Variants in SPATA20 observed in about 807,000 individuals in gnomAD.
SPATA20 encodes spermatogenesis-associated protein 20.
A neutral mutation model predicts 98.9 loss-of-function variants in SPATA20; 74 were observed. That is an observed-to-expected ratio of 0.75 (90% confidence interval 0.62 to 0.91). The LOEUF (loss-of-function observed/expected upper bound fraction) is 0.91, where lower values mean the gene tolerates loss of function less well. Among genes scored for constraint, SPATA20 ranks in the 40% least tolerant of loss-of-function variants. The probability of loss-of-function intolerance (pLI) is 0.00; values close to 1 mark genes in which losing one functional copy is unlikely to be tolerated. For missense variants in SPATA20, 1,016 were observed against 1,069.8 expected (o/e 0.95, Z 0.70); for synonymous variants, 430 against 440.5 (o/e 0.98, Z 0.30).
At position 50,550,300 on chromosome 17, in the gene SPATA20, G is replaced by A. The variant is rs747519422; in HGVS notation, c.1086G>A (p.Ser362=). The A allele has an allele frequency of 1.8e-5, 29 of 1,586,476 alleles. No homozygotes were observed. In the African/African-American group the frequency reaches 1.9e-4, roughly 10 times the overall value. ...YDQAQLAVAY[S]QAFQLSGDEF... is the part of the protein sequence containing the mutation. ...AGGCACAGCTCGCTGTGGCCTATTC[G>A]CAGGCCTTCCAGGTGACCCCTGACC... Residue 362 remains serine, a synonymous_variant, in exon 9 of 17, where the codon TCG becomes TCA. Transcript: ENST00000006658.
chr17:50,550,695 C>T lies in SPATA20; in HGVS notation c.1174-13C>T, dbSNP rs1350999186. On this transcript the variant is annotated splice_polypyrimidine_tract_variant and intron_variant, in intron 10 of 16. Coordinates refer to ENST00000006658, the MANE Select transcript of SPATA20 (RefSeq NM_022827.4). Reference sequence around the variant, plus strand: ...CTGTGGGCCGGGGCCAGCCAACTCTCCCCTCCCCACAGTCCGGAGGCTTCT... The same window carrying T: ...CTGTGGGCCGGGGCCAGCCAACTCTTCCCTCCCCACAGTCCGGAGGCTTCT... 1 of 1,613,122 alleles carries T rather than the reference C, an allele frequency of 6.2e-7. No individual in the cohort carries two copies. Among genetic ancestry groups the T allele is most frequent in the Admixed American group, 1.7e-5 (1 of 60,012 alleles).
At chr17:50,548,681 G>C in intron 4 of SPATA20, 63 bp downstream of exon 4, 1 of 1,595,380 alleles carries the variant, frequency 6.3e-7, no homozygotes, top group Non-Finnish European at 8.5e-7. Context: ...ATGGGGGAGG[G>C]TCCTCTCGGC....
Position 50,555,635 on chromosome 17 carries a change from C to A in SPATA20, c.2382C>A (p.Cys794Ter). Residue 794 changes from cysteine (C) to a stop codon, truncating the protein, a stop_gained, in exon 17 of 17, where the codon TGC (cysteine) becomes TGA (stop). Coordinates refer to ENST00000006658, the MANE Select transcript of SPATA20 (RefSeq NM_022827.4). LOFTEE classifies it high-confidence loss of function. ...QACSVPITDPCELRKLLHP is the reference protein window; with the variant it reads ...QACSVPITDP ...GCTCAGTGCCCATCACTGATCCCTG[C>A]GAATTACGAAAACTACTACATCCAT... 1 of 1,613,956 alleles carries A rather than the reference C, an allele frequency of 6.2e-7. No homozygotes were observed. Among genetic ancestry groups the A allele is most frequent in the South Asian group, 1.1e-5 (1 of 91,070 alleles).
At position 50,550,232 on chromosome 17, in the gene SPATA20, C is replaced by A; in HGVS notation, c.1018C>A (p.Arg340Ser). Residue 340 changes from arginine to serine, a missense_variant, in exon 9 of 17, where the codon CGC (arginine) becomes AGC (serine). Coordinates refer to ENST00000006658, the MANE Select transcript of SPATA20 (RefSeq NM_022827.4). Reference sequence around the variant, plus strand: ...GGGCTTTCACCGCTACTCCACAGACCGCCAGTGGCACGTCCCTCACTTTGA... The same window carrying A: ...GGGCTTTCACCGCTACTCCACAGACAGCCAGTGGCACGTCCCTCACTTTGA... ...GQGFHRYSTDRQWHVPHFEKM... is the reference protein window; with the variant it reads ...GQGFHRYSTDSQWHVPHFEKM... 6.2e-7 allele frequency: 1 copy of A among 1,611,944 alleles called. No individual in the cohort carries two copies. Among genetic ancestry groups the A allele is most frequent in the South Asian group, 1.1e-5 (1 of 91,038 alleles).
chr17:50,554,922 TG>T, intron 15 of SPATA20, among the ~76,000 whole-genome samples: 2 of 109,988 alleles, frequency 1.8e-5, no homozygotes, highest in South Asian at 4.7e-4. Context: ...TGTGTGTGTG[TG>T]TGTGTGACTA....
rs1305212387 is a variant in SPATA20 at position 50,551,558 on chromosome 17, G to A, written c.1624G>A (p.Asp542Asn). 1 of 1,605,364 alleles carries A rather than the reference G, an allele frequency of 6.2e-7. No individual in the cohort carries two copies. Among genetic ancestry groups the A allele is most frequent in the South Asian group, 1.1e-5 (1 of 90,908 alleles). Residue 542 changes from aspartate (D) to asparagine (N), a missense_variant, in exon 13 of 17, where the codon GAC (aspartate) becomes AAC (asparagine). By Grantham distance (23) the Asp-to-Asn change is conservative. Transcript: ENST00000006658. ...TGTGACTGGGGCTGTCCTGGGCCAAGACAGGCTGATCAACTATGCCACCAA... is the reference window on the plus strand; with the variant it reads ...TGTGACTGGGGCTGTCCTGGGCCAAAACAGGCTGATCAACTATGCCACCAA... ...YAVTGAVLGQDRLINYATNGA... is the reference protein window; with the variant it reads ...YAVTGAVLGQNRLINYATNGA...
rs1163573063 is a variant in SPATA20, at chr17:50,549,990, C to T, written c.868C>T (p.Leu290=). Residue 290 remains leucine, a synonymous_variant, in exon 8 of 17, where the codon CTG becomes TTG. Transcript: ENST00000006658. ...TGTTCTTGGTGCCCCCACAGTGATCCTGAGCTTCCTGTTCTCCTACTGGCT... is the reference window on the plus strand; with the variant it reads ...TGTTCTTGGTGCCCCCACAGTGATCTTGAGCTTCCTGTTCTCCTACTGGCT... The part of the protein sequence containing the change: ...EAPKFPTPVI[L]SFLFSYWLSH... 6.5e-7 allele frequency: 1 copy of T among 1,546,162 alleles called. No individual in the cohort carries two copies. Among genetic ancestry groups the T allele is most frequent in the South Asian group, 1.2e-5 (1 of 81,584 alleles).
At chr17:50,550,975 CA>C (rs1310036159) in intron 11 of SPATA20, 22 bp from the exon 12 acceptor site, 1 of 1,612,336 alleles carries the variant, frequency 6.2e-7, no homozygotes, top group Non-Finnish European at 8.5e-7. Context: ...TGTGAGCTCG[CA>C]GACAAAGGCC....
At chr17:50,550,364 C>A in intron 9 of SPATA20, 52 bp downstream of exon 9, 1 of 1,455,496 alleles carries the variant, frequency 6.9e-7, no homozygotes, top group Non-Finnish European at 9.5e-7. Context: ...GGCTGCCCCT[C>A]CCAAGGCCTT....
rs761666503 is a variant in SPATA20 at position 50,550,705 on chromosome 17, C to A, written c.1174-3C>A. ...GGGCCAGCCAACTCTCCCCTCCCCA[C>A]AGTCCGGAGGCTTCTATAGCGCAGA... On this transcript the variant is annotated splice_polypyrimidine_tract_variant and splice_region_variant and intron_variant, in intron 10 of 16. Transcript: ENST00000006658. 1.1e-5 allele frequency: 17 copies of A among 1,613,168 alleles called. No homozygotes were observed. The highest frequency in any genetic ancestry group is 1.4e-5 in the Non-Finnish European group (16 of 1,179,818).
At chr17:50,548,048 G>A (rs777083226) in intron 2 of SPATA20, 150 of 1,483,440 alleles carry the variant, frequency 1.0e-4, no homozygotes, top group Non-Finnish European at 1.2e-4. Context: ...GCCAGGCCCA[G>A]GAGGTTGGGG....
chr17:50,548,927 G>A lies in SPATA20; in HGVS notation c.479G>A (p.Arg160Gln), dbSNP rs774703042. ...AGTGTGAAGGTAGACCGTGAGGAGC[G>A]GCCTGACGTGGACAAGGTGTACATG... ...FVSVKVDREE[R>Q]PDVDKVYMTF... is the part of the protein sequence containing the mutation. The change falls in exon 5 of 17, where the codon CGG (arginine) becomes CAG (glutamine). Residue 160 changes from arginine (R) to glutamine (Q), a missense_variant. Transcript: ENST00000006658. 1.9e-6 allele frequency: 3 copies of A among 1,614,106 alleles called. No homozygotes were observed. Among genetic ancestry groups the A allele is most frequent in the Non-Finnish European group, 1.7e-6 (2 of 1,180,002 alleles).
In SPATA20 at chr17:50,552,059, G is replaced by A; in HGVS notation, c.1836G>A (p.Trp612Ter). ...DLYEASQESAWLEWALRLQDT... is the reference protein window; with the variant it reads ...DLYEASQESA The stretch of plus-strand genomic sequence containing the variant: ...ATGAGGCCTCACAGGAGAGTGCGTG[G>A]CTCGAGTGGGCTCTGCGGCTGCAGG... Residue 612 changes from tryptophan to a stop codon, truncating the protein, a stop_gained, in exon 14 of 17, where the codon TGG becomes TGA. Coordinates refer to ENST00000006658, the MANE Select transcript of SPATA20 (RefSeq NM_022827.4). LOFTEE classifies it high-confidence loss of function. The A allele has an allele frequency of 6.2e-7, 1 of 1,613,890 alleles. No homozygotes were observed. Among genetic ancestry groups the A allele is most frequent in the African/African-American group, 1.3e-5 (1 of 75,076 alleles).
chr17:50,550,522 C>T lies in SPATA20; in HGVS notation c.1099-14C>T. On this transcript the variant is annotated splice_polypyrimidine_tract_variant and intron_variant, in intron 9 of 16. Transcript: ENST00000006658. Reference sequence around the variant, plus strand: ...GACCTCTCTGTTCACAGTCTCCTTTCTTCCCTTTCTTAGCTCTCTGGTGAT... The same window carrying T: ...GACCTCTCTGTTCACAGTCTCCTTTTTTCCCTTTCTTAGCTCTCTGGTGAT... 4 of 1,613,210 alleles carry T rather than the reference C, an allele frequency of 2.5e-6. No individual in the cohort carries two copies. The highest frequency in any genetic ancestry group is 3.4e-6 in the Non-Finnish European group (4 of 1,179,172).
chr17:50,551,310 CAA>C lies in SPATA20; in HGVS notation c.1576+123_1576+124del, dbSNP rs567863869. ...GATTAGCGTTATTATTCTCAGTTGACAAAAGAGGCTTAAGGAGCTTGAGTAAC... is the reference window on the plus strand; with the variant it reads ...GATTAGCGTTATTATTCTCAGTTGACAAGAGGCTTAAGGAGCTTGAGTAAC... On this transcript the variant is annotated intron_variant, in intron 12 of 16. Coordinates refer to ENST00000006658, the MANE Select transcript of SPATA20 (RefSeq NM_022827.4). 939 of 1,216,766 alleles carry C rather than the reference CAA, an allele frequency of 7.7e-4. 6 individuals carry two copies. In the African/African-American group the frequency reaches 0.013, roughly 17 times the overall value. 75.4% of individuals were successfully genotyped at this position (1,216,766 alleles called of 1,614,324 possible).
At chr17:50,554,719 A>ACTT (rs2035073220) in intron 15 of SPATA20, among the ~76,000 whole-genome samples, 1 of 151,414 alleles carries the variant, frequency 6.6e-6, no homozygotes, top group East Asian at 1.9e-4. Context: ...GGTGTGTGTG[A>ACTT]CCCTGGAGGT....
At chr17:50,551,772 C>T in intron 13 of SPATA20, 93 bp downstream of exon 13, 8 of 1,406,892 alleles carry the variant, frequency 5.7e-6, no homozygotes, top group East Asian at 4.9e-5. Flanking sequence ...GACTCCAGTC[C>T]TGGCTCTGCC....
rs774081843 is a variant in SPATA20, at chr17:50,555,211, T to A, written c.2158-21T>A. On this transcript the variant is annotated intron_variant, in intron 15 of 16. Coordinates refer to ENST00000006658, the MANE Select transcript of SPATA20 (RefSeq NM_022827.4). Reference sequence around the variant, plus strand: ...CCCTCCCTCCCCTGACACACCGGAGTGACCTTTCTATTCCGGTCAGATCGT... The same window carrying A: ...CCCTCCCTCCCCTGACACACCGGAGAGACCTTTCTATTCCGGTCAGATCGT... 7.4e-6 allele frequency: 12 copies of A among 1,611,310 alleles called. No individual in the cohort carries two copies. The South Asian group carries it at 1.2e-4, about 16-fold the overall frequency.
intron 12 of SPATA20, 65 bp from the exon 13 acceptor site, chr17:50,551,446 T>G: frequency 6.6e-7 from 1 of 1,522,992 alleles, no homozygotes; most frequent in Non-Finnish European, 9.0e-7. Flanking sequence ...CCTAAGGTGA[T>G]AGGGTGGACA....
Sources: allele counts gnomAD v4.1 joint callset (sites outside exome capture counted in the v4.1 genomes callset), GRCh38; gene constraint gnomAD v4.1.1; transcripts MANE v1.5; gene names NCBI Gene and HGNC (gene_info 2026-07-23, HGNC 2026-07-21).